The following HS3ST4 variants were observed in gnomAD, a reference collection of about 807,000 sequenced individuals.
The protein encoded by HS3ST4 is heparan sulfate glucosamine 3-O-sulfotransferase 4.
In HS3ST4, 17 loss-of-function variants were observed where a neutral mutation model predicts 29.2. That is an observed-to-expected ratio of 0.58 (90% CI 0.40 to 0.87). The LOEUF (loss-of-function observed/expected upper bound fraction) is 0.87. HS3ST4 is among the 40% of genes least tolerant of loss of function. The pLI, the probability that HS3ST4 is intolerant of heterozygous loss-of-function variation, is 0.00. For missense variants in HS3ST4, 627 were observed against 634.5 expected, an observed-to-expected ratio of 0.99 and a Z score of 0.13; for synonymous variants, 314 against 285.7, an observed-to-expected ratio of 1.10 and a Z score of -1.00.
intron 1 of HS3ST4, among the ~76,000 whole-genome samples, chr16:25,704,916 C>T (rs1248587964): frequency 1.3e-5 from 2 of 151,212 alleles, no homozygotes; most frequent in Non-Finnish European, 2.9e-5. Flanking sequence ...AGACATCTTG[C>T]TCTGTTGGTT....
At chr16:25,710,408 G>A (rs1966407355) in intron 1 of HS3ST4, among the ~76,000 whole-genome samples, 1 of 152,150 alleles carries the variant, frequency 6.6e-6, no homozygotes, top group Non-Finnish European at 1.5e-5. Flanking sequence ...TTAGGTCCCG[G>A]TCAATTTCCT....
intron 1 of HS3ST4, among the ~76,000 whole-genome samples, chr16:25,788,776 G>A (rs1225776063): frequency 6.6e-6 from 1 of 151,760 alleles, no homozygotes; most frequent in African/African-American, 2.4e-5. Flanking sequence ...CTGAGCTCAA[G>A]CTGTCCTCCC....
At chr16:26,010,193 C>T (rs1026740938) in intron 1 of HS3ST4, among the ~76,000 whole-genome samples, 3 of 152,106 alleles carry the variant, frequency 2.0e-5, no homozygotes, top group African/African-American at 7.2e-5. Flanking sequence ...GTGACTCATG[C>T]CTGTAATCCC....
chr16:25,692,656 C>A lies in HS3ST4; in HGVS notation c.239C>A (p.Pro80Gln). 7.4e-7 allele frequency: 1 copy of A among 1,351,742 alleles called. No homozygotes were observed. The highest frequency in any genetic ancestry group is 9.6e-7 in the Non-Finnish European group (1 of 1,043,466). 83.7% of individuals were successfully genotyped at this position (1,351,742 alleles called of 1,614,324 possible). The change falls in exon 1 of 2, where the codon CCG becomes CAG. Residue 80 changes from proline (P) to glutamine (Q), a missense_variant. Around this residue, in one of 2 missense-constraint regions of HS3ST4, gnomAD observed 402 missense variants for 340.8 expected, o/e 1.18. Coordinates refer to ENST00000331351, the MANE Select transcript of HS3ST4 (RefSeq NM_006040.3). ...GAAAEPPPSP[P>Q]PPSLLPTPVR... ...GCCGCCGAGCCCCCGCCGAGCCCGC[C>A]GCCACCCTCTCTGCTGCCTACCCCC...
At chr16:25,869,982 G>T (rs1967732527) in intron 1 of HS3ST4, among the ~76,000 whole-genome samples, 1 of 152,188 alleles carries the variant, frequency 6.6e-6, no homozygotes, top group South Asian at 2.1e-4. Flanking sequence ...GGTCATCCTG[G>T]AGTGTTCATC....
At chr16:25,756,624 A>T (rs1293832500) in intron 1 of HS3ST4, among the ~76,000 whole-genome samples, 1 of 152,166 alleles carries the variant, frequency 6.6e-6, no homozygotes, top group Non-Finnish European at 1.5e-5. Context: ...CTTCCTGCAG[A>T]AGTAGAGGCA....
At chr16:26,092,708 T>G (rs910783531) in intron 1 of HS3ST4, among the ~76,000 whole-genome samples, 1 of 152,160 alleles carries the variant, frequency 6.6e-6, no homozygotes, top group Non-Finnish European at 1.5e-5. Context: ...CATTTCCAAC[T>G]GAGGCACCTG....
chr16:26,058,567 C>T (rs1898439258), intron 1 of HS3ST4, among the ~76,000 whole-genome samples: 2 of 152,148 alleles, frequency 1.3e-5, no homozygotes, highest in South Asian at 4.2e-4. Flanking sequence ...TCTCCTGCCT[C>T]ATGATTACAG....
At chr16:26,108,091 C>T (rs1172234218) in intron 1 of HS3ST4, among the ~76,000 whole-genome samples, 1 of 152,166 alleles carries the variant, frequency 6.6e-6, no homozygotes, top group Non-Finnish European at 1.5e-5. Flanking sequence ...ATTTCCTTTT[C>T]ACCACATGCA....
intron 1 of HS3ST4, among the ~76,000 whole-genome samples, chr16:25,697,864 G>A (rs1966308887): frequency 6.6e-6 from 1 of 152,040 alleles, no homozygotes. Context: ...GTAGAGACGG[G>A]GTTTCACCAT....
At chr16:25,729,678 A>G (rs964311542) in intron 1 of HS3ST4, among the ~76,000 whole-genome samples, 7 of 152,130 alleles carry the variant, frequency 4.6e-5, no homozygotes, top group African/African-American at 1.7e-4. Context: ...TCCCTGAGTT[A>G]TTATATCTTG....
chr16:25,700,678 C>T (rs1383481839), intron 1 of HS3ST4, among the ~76,000 whole-genome samples: 6 of 152,104 alleles, frequency 3.9e-5, no homozygotes, highest in East Asian at 3.9e-4. Flanking sequence ...ATTGAACCAC[C>T]GCCCCGTTCA....
chr16:26,115,266 TAC>T lies in HS3ST4; in HGVS notation c.735-20326_735-20325del, dbSNP rs140596443. 4.2e-3 allele frequency among the ~76,000 whole-genome samples: 628 copies of T among 148,386 alleles called. 10 individuals are homozygous for T. Among genetic ancestry groups the T allele is most frequent in the African/African-American group, 0.013 (536 of 39,974 alleles). ...GTGTGTATATATATATACATATATA[TAC>T]ACACACACACACACACACAAGTATA... On this transcript the variant is annotated intron_variant, in intron 1 of 1. Transcript: ENST00000331351.
chr16:25,937,412 A>G (rs1466291902), intron 1 of HS3ST4, among the ~76,000 whole-genome samples: 2 of 152,092 alleles, frequency 1.3e-5, no homozygotes, highest in African/African-American at 2.4e-5. Flanking sequence ...TGAGCTGAAC[A>G]TTTTCTCATT....
At chr16:26,131,991 C>G (rs1342327714) in intron 1 of HS3ST4, among the ~76,000 whole-genome samples, 1 of 152,186 alleles carries the variant, frequency 6.6e-6, no homozygotes, top group Non-Finnish European at 1.5e-5. Flanking sequence ...TGGAACAAAT[C>G]TTTAGCTTCT....
intron 1 of HS3ST4, among the ~76,000 whole-genome samples, chr16:26,036,888 G>C (rs4787804): frequency 0.31 from 46,670 of 152,108 alleles, 10,561 homozygotes; most frequent in African/African-American, 0.63. Flanking sequence ...ACAAAGAGGT[G>C]CTGAGAAAGA....
At position 26,055,184 on chromosome 16, in the gene HS3ST4, G is replaced by A. The variant is rs186531396; in HGVS notation, c.735-80428G>A. 2.6e-5 allele frequency among the ~76,000 whole-genome samples: 4 copies of A among 151,960 alleles called. No individual in the cohort carries two copies. In the East Asian group the frequency reaches 7.8e-4, roughly 29 times the overall value. On this transcript the variant is annotated intron_variant, in intron 1 of 1. Coordinates refer to ENST00000331351, the MANE Select transcript of HS3ST4 (RefSeq NM_006040.3). ...GGTCAGGGCCCTCAGCAGGGAGGCA[G>A]CCTGCTGAGGTCAGAGAGGAAGGCA... is the stretch of plus-strand genomic sequence containing the variant.
intron 1 of HS3ST4, among the ~76,000 whole-genome samples, chr16:25,752,794 A>G (rs1315171344): frequency 6.6e-6 from 1 of 152,236 alleles, no homozygotes; most frequent in African/African-American, 2.4e-5. Flanking sequence ...CTGTACTTTA[A>G]TATCTGCACC....
chr16:25,986,215 C>T (rs1351009200), intron 1 of HS3ST4, among the ~76,000 whole-genome samples: 2 of 152,202 alleles, frequency 1.3e-5, no homozygotes, highest in African/African-American at 2.4e-5. Context: ...TCTCTACCTT[C>T]TCCTACTAGA....
Sources: gnomAD v4.1 joint callset for allele counts (sites outside exome capture counted in the v4.1 genomes callset) on GRCh38, gnomAD v4.1.1 for gene constraint, gnomAD v4.1.1 regional missense constraint, MANE v1.5 for transcripts, NCBI Gene and HGNC (gene_info 2026-07-23, HGNC 2026-07-21) for gene names.